EFEMP1: variants seen among roughly 807,000 people sequenced by gnomAD.
The protein encoded by EFEMP1 is EGF-like fibulin extracellular matrix protein 1.
EFEMP1 carries 18 observed loss-of-function variants against 65.7 expected under a neutral mutation model. That is an observed-to-expected ratio of 0.27 (90% confidence interval 0.19 to 0.41). The LOEUF is 0.41. Ranked by LOEUF, EFEMP1 falls within the 10% of genes least tolerant of loss-of-function variation. The probability of loss-of-function intolerance (pLI) is 1.00; values close to 1 mark genes in which losing one functional copy is unlikely to be tolerated. For missense variants in EFEMP1, 469 were observed against 624.8 expected (o/e 0.75, Z 2.66); for synonymous variants, 237 against 219.7 (o/e 1.08, Z -0.70).
chr2:55,916,091 A>G (rs1670666997), intron 5 of EFEMP1, among the ~76,000 whole-genome samples: 1 of 151,548 alleles, frequency 6.6e-6, no homozygotes, highest in African/African-American at 2.4e-5. Flanking sequence ...GAGTCAGAGC[A>G]TGACAAGTTT....
intron 6 of EFEMP1, among the ~76,000 whole-genome samples, chr2:55,881,006 A>G (rs944278791): frequency 2.6e-5 from 4 of 152,350 alleles, no homozygotes; most frequent in African/African-American, 9.6e-5. Context: ...AAAGGCTTGC[A>G]GTATAAAGAG....
rs1669320791 is a variant in EFEMP1, at chr2:55,883,516, A to G, written c.518-1782T>C. On this transcript the variant is annotated intron_variant, in intron 5 of 11. Transcript: ENST00000355426. The surrounding 1 kb of genome is among the most constrained non-coding windows in gnomAD (Gnocchi z 4.5). Reference sequence around the variant, plus strand: ...AGAACATTTGCCAGCATTTGCAGTGATAACAGTCCTGAGAGATACGGCAAT... The same window carrying G: ...AGAACATTTGCCAGCATTTGCAGTGGTAACAGTCCTGAGAGATACGGCAAT... Among the ~76,000 whole-genome samples the G allele has an allele frequency of 6.6e-6, 1 of 152,178 alleles. No homozygotes were observed. Among genetic ancestry groups the G allele is most frequent in the African/African-American group, 2.4e-5 (1 of 41,432 alleles).
chr2:55,884,515 A>G (rs1004259203), intron 5 of EFEMP1, among the ~76,000 whole-genome samples: 2 of 152,218 alleles, frequency 1.3e-5, no homozygotes, highest in African/African-American at 4.8e-5. Context: ...TGTTGATGAC[A>G]GTCCACTGCC....
intron 5 of EFEMP1, among the ~76,000 whole-genome samples, chr2:55,910,235 GT>G (rs1446751436): frequency 6.6e-5 from 10 of 152,054 alleles, no homozygotes; most frequent in Non-Finnish European, 1.2e-4. Flanking sequence ...AATCATTTCA[GT>G]TTAAACTACA....
intron 5 of EFEMP1, among the ~76,000 whole-genome samples, chr2:55,914,661 A>C (rs149736371): frequency 0.019 from 2,949 of 152,316 alleles, 41 homozygotes; most frequent in Non-Finnish European, 0.03. Context: ...ATACCTGCTA[A>C]AAAATATACA....
intron 5 of EFEMP1, among the ~76,000 whole-genome samples, chr2:55,915,323 G>A (rs1421359968): frequency 2.0e-5 from 3 of 152,094 alleles, no homozygotes; most frequent in African/African-American, 7.2e-5. Context: ...CCATAAGCAA[G>A]GCACTTAATA....
At position 55,871,039 on chromosome 2, in the gene EFEMP1, C is replaced by T. The variant is rs369049569; in HGVS notation, c.1085G>A (p.Arg362Gln). 57 of 1,613,566 alleles carry T rather than the reference C, an allele frequency of 3.5e-5. No individual in the cohort carries two copies. Among genetic ancestry groups the T allele is most frequent in the Admixed American group, 5.0e-5 (3 of 59,876 alleles). Residue 362 changes from arginine to glutamine, a missense_variant, in exon 10 of 12, where the codon CGA becomes CAA. Physicochemically the swap from Arg to Gln is conservative, Grantham distance 43. Around this residue, in one of 3 missense-constraint regions of EFEMP1, gnomAD observed 399 missense variants for 528.2 expected, o/e 0.76. Transcript: ENST00000355426. This position sits in a 1 kb window ranked among gnomAD's most constrained non-coding sequence, Gnocchi z 4.2. ...NYHGGFRCYP[R>Q]NPCQDPYILT... is the part of the protein sequence containing the mutation. The stretch of plus-strand genomic sequence containing the variant: ...AATGTAGGGATCTTGACAAGGATTT[C>T]GTGGATAACAACGGAAGCCGCCATG...
chr2:55,872,396 G>A (rs1439043279), intron 9 of EFEMP1, among the ~76,000 whole-genome samples: 1 of 152,048 alleles, frequency 6.6e-6, no homozygotes, highest in Admixed American at 6.6e-5. Context: ...CTATTAGCTT[G>A]TAAACTCCTT....
chr2:55,912,204 A>T (rs1670504515), intron 5 of EFEMP1, among the ~76,000 whole-genome samples: 1 of 152,120 alleles, frequency 6.6e-6, no homozygotes, highest in African/African-American at 2.4e-5. Context: ...CTTTTGCAAA[A>T]TATCTATTTT....
Position 55,876,706 on chromosome 2 carries a change from TG to T in EFEMP1, c.796del (p.Gln266SerfsTer20). 6.2e-7 allele frequency: 1 copy of T among 1,611,216 alleles called. No homozygotes were observed. On this transcript the variant is annotated frameshift_variant, in exon 8 of 12. Transcript: ENST00000355426. LOFTEE classifies it high-confidence loss of function. ...NECDASNQCA[Q>X]QCYNILGSFI... ...TGAACCAAGAATGTTGTAGCACTGC[TG>T]AGCACATTGATTGCTGGCATCACAT...
intron 5 of EFEMP1, among the ~76,000 whole-genome samples, chr2:55,913,881 A>G (rs1262224178): frequency 6.6e-6 from 1 of 152,068 alleles, no homozygotes; most frequent in African/African-American, 2.4e-5. Context: ...GTGGTGGTGC[A>G]CGCCTGTAGT....
At chr2:55,914,849 T>C (rs951194592) in intron 5 of EFEMP1, among the ~76,000 whole-genome samples, 22 of 152,200 alleles carry the variant, frequency 1.4e-4, no homozygotes, top group Non-Finnish European at 1.2e-4. Flanking sequence ...ATGTCAATAA[T>C]ATAGGTCCTT....
intron 5 of EFEMP1, among the ~76,000 whole-genome samples, chr2:55,895,708 A>AT (rs1182263438): frequency 2.0e-5 from 3 of 151,442 alleles, no homozygotes; most frequent in Non-Finnish European, 2.9e-5. Context: ...CGCCCGGCTA[A>AT]TTTTTTGTAT....
At position 55,873,735 on chromosome 2, in the gene EFEMP1, C is replaced by T. The variant is rs983364474; in HGVS notation, c.1000+1211G>A. ...ACTACATTCTGATTATGCTCATACTCAGTGGTTGGAGTCTAGTCGAAAAAT... is the reference window on the plus strand; with the variant it reads ...ACTACATTCTGATTATGCTCATACTTAGTGGTTGGAGTCTAGTCGAAAAAT... On this transcript the variant is annotated intron_variant, in intron 9 of 11. Coordinates refer to ENST00000355426, the MANE Select transcript of EFEMP1 (RefSeq NM_001039348.3). The surrounding 1 kb of genome is among the most constrained non-coding windows in gnomAD (Gnocchi z 4.6). Among the ~76,000 whole-genome samples, 2 of 151,990 alleles carry T rather than the reference C, an allele frequency of 1.3e-5. No individual in the cohort carries two copies. Among genetic ancestry groups the T allele is most frequent in the Non-Finnish European group, 2.9e-5 (2 of 67,918 alleles).
chr2:55,895,589 TG>T (rs1367475650), intron 5 of EFEMP1, among the ~76,000 whole-genome samples: 1 of 150,564 alleles, frequency 6.6e-6, no homozygotes, highest in Non-Finnish European at 1.5e-5. Context: ...TCGCCCAGGC[TG>T]GAGTGCAGTG....
In EFEMP1 at chr2:55,923,550, G is replaced by C. The variant is rs928418979; in HGVS notation, c.-49+161C>G. ...CACTTGCTGACAGATCGCATTCCGA[G>C]GCTGCACACCTCCACCTCCCTCTCT... On this transcript the variant is annotated intron_variant, in intron 1 of 11. Coordinates refer to ENST00000355426, the MANE Select transcript of EFEMP1 (RefSeq NM_001039348.3). The surrounding 1 kb of genome is among the most constrained non-coding windows in gnomAD (Gnocchi z 5.3). 6.6e-6 allele frequency among the ~76,000 whole-genome samples: 1 copy of C among 152,150 alleles called. No homozygotes were observed. Among genetic ancestry groups the C allele is most frequent in the East Asian group, 1.9e-4 (1 of 5,168 alleles).
At position 55,871,174 on chromosome 2, in the gene EFEMP1, C is replaced by A; in HGVS notation, c.1001-51G>T. The A allele has an allele frequency of 6.2e-7, 1 of 1,610,456 alleles. No homozygotes were observed. Among genetic ancestry groups the A allele is most frequent in the East Asian group, 2.2e-5 (1 of 44,860 alleles). On this transcript the variant is annotated intron_variant, in intron 9 of 11. Coordinates refer to ENST00000355426, the MANE Select transcript of EFEMP1 (RefSeq NM_001039348.3). This position sits in a 1 kb window ranked among gnomAD's most constrained non-coding sequence, Gnocchi z 4.2. ...TTACTAACTAAACTAATGAACTGAT[C>A]TAATTAAATCATATAACTGGCAGAT... is the stretch of plus-strand genomic sequence containing the variant.
intron 5 of EFEMP1, among the ~76,000 whole-genome samples, chr2:55,891,113 G>T (rs950956378): frequency 6.6e-6 from 1 of 152,144 alleles, no homozygotes; most frequent in Admixed American, 6.5e-5. Context: ...AAGAGGAAAA[G>T]ATCTTGACCA....
chr2:55,884,995 G>T (rs1006279471), intron 5 of EFEMP1, among the ~76,000 whole-genome samples: 9 of 152,154 alleles, frequency 5.9e-5, no homozygotes, highest in African/African-American at 2.2e-4. Context: ...GGAAAAGTAG[G>T]ATCAGTGTTT....
Sources: gnomAD v4.1 joint callset for allele counts (sites outside exome capture counted in the v4.1 genomes callset) on GRCh38, gnomAD v4.1.1 for gene constraint, gnomAD v4.1.1 regional missense constraint, Gnocchi (gnomAD v3.1) non-coding constraint, MANE v1.5 for transcripts, NCBI Gene and HGNC (gene_info 2026-07-23, HGNC 2026-07-21) for gene names.